DDX10: variants seen among roughly 807,000 people sequenced by gnomAD.
The protein encoded by DDX10 is DEAD-box helicase 10, also known as probable ATP-dependent RNA helicase DDX10.
Under a neutral mutation model 104.3 loss-of-function variants are expected in DDX10, and 74 were observed. The observed-to-expected ratio is 0.71, with a 90% CI of 0.59 to 0.86. The LOEUF (loss-of-function observed/expected upper bound fraction) is 0.86, where lower values mean the gene tolerates loss of function less well. Ranked by LOEUF, DDX10 falls within the 40% of genes least tolerant of loss-of-function variation. DDX10 has a pLI of 0.00. For synonymous variants in DDX10, 351 were observed against 353.4 expected (o/e 0.99, Z 0.08); for missense variants, 952 against 1,040.0 (o/e 0.92, Z 1.16).
chr11:108,911,078 C>G (rs941081179), intron 16 of DDX10, among the ~76,000 whole-genome samples: 2 of 152,070 alleles, frequency 1.3e-5, no homozygotes, highest in South Asian at 4.1e-4. Flanking sequence ...TGACTGCTCC[C>G]CAGAAATAGC....
intron 13 of DDX10, among the ~76,000 whole-genome samples, chr11:108,726,821 G>GT (rs1328374327): frequency 1.3e-5 from 2 of 151,872 alleles, no homozygotes; most frequent in Non-Finnish European, 2.9e-5. Context: ...TTAGCTGTAA[G>GT]TTTTTTTTGT....
chr11:108,706,969 C>G (rs2094277041), intron 10 of DDX10, 132 bp downstream of exon 10: 15 of 698,176 alleles, frequency 2.1e-5, no homozygotes, highest in Non-Finnish European at 3.2e-5. Context: ...TAAAAAGGCT[C>G]TTTTTAGAAC....
intron 13 of DDX10, among the ~76,000 whole-genome samples, chr11:108,824,281 G>A (rs1235305268): frequency 6.6e-6 from 1 of 152,106 alleles, no homozygotes; most frequent in Non-Finnish European, 1.5e-5. Context: ...GACCTCAAGC[G>A]ATCCACCTAC....
At chr11:108,834,927 C>CAAAAAAAAA (rs56174572) in intron 13 of DDX10, among the ~76,000 whole-genome samples, 5 of 62,248 alleles carry the variant, frequency 8.0e-5, no homozygotes, top group Non-Finnish European at 1.1e-4. Flanking sequence ...GACTCCATCT[C>CAAAAAAAAA]AAAAAAAAAA....
At chr11:108,927,853 C>T (rs188917047) in intron 17 of DDX10, among the ~76,000 whole-genome samples, 49 of 152,022 alleles carry the variant, frequency 3.2e-4, no homozygotes, top group Non-Finnish European at 4.7e-4. Flanking sequence ...TTAGCCAGGC[C>T]GGTATTGAAC....
chr11:108,845,947 T>G (rs1862711604), intron 15 of DDX10, among the ~76,000 whole-genome samples: 1 of 152,224 alleles, frequency 6.6e-6, no homozygotes, highest in African/African-American at 2.4e-5. Flanking sequence ...ATTCAACTAC[T>G]CATTTTGTCC....
chr11:108,817,901 A>G (rs1862276366), intron 13 of DDX10, among the ~76,000 whole-genome samples: 1 of 152,230 alleles, frequency 6.6e-6, no homozygotes, highest in Non-Finnish European at 1.5e-5. Flanking sequence ...TGTGAAAACA[A>G]AAAGAACACC....
intron 16 of DDX10, among the ~76,000 whole-genome samples, chr11:108,857,885 T>G (rs1329097391): frequency 1.3e-5 from 2 of 152,208 alleles, no homozygotes; most frequent in Non-Finnish European, 2.9e-5. Context: ...CTCCTGAAAT[T>G]GCTTTCCTTA....
intron 13 of DDX10, among the ~76,000 whole-genome samples, chr11:108,803,720 T>G (rs1336046695): frequency 6.6e-6 from 1 of 152,198 alleles, no homozygotes; most frequent in African/African-American, 2.4e-5. Flanking sequence ...AAAGTGTAAT[T>G]TTATGTCCTT....
At chr11:108,872,887 A>G (rs1295367069) in intron 16 of DDX10, among the ~76,000 whole-genome samples, 1 of 118,930 alleles carries the variant, frequency 8.4e-6, no homozygotes, top group Non-Finnish European at 1.7e-5. Context: ...TCACTTTCCC[A>G]CTCCTCCCAC....
At chr11:108,759,495 G>C (rs775780383) in intron 13 of DDX10, among the ~76,000 whole-genome samples, 4 of 151,950 alleles carry the variant, frequency 2.6e-5, no homozygotes, top group Non-Finnish European at 4.4e-5. Context: ...ATACTCCACT[G>C]AACTCAGATG....
chr11:108,819,787 C>T (rs1025625447), intron 13 of DDX10, among the ~76,000 whole-genome samples: 1 of 151,972 alleles, frequency 6.6e-6, no homozygotes, highest in African/African-American at 2.4e-5. Context: ...TTAGTAGAGA[C>T]GAGGTTTCAC....
chr11:108,747,042 T>C (rs187734838), intron 13 of DDX10, among the ~76,000 whole-genome samples: 1 of 152,248 alleles, frequency 6.6e-6, no homozygotes, highest in Admixed American at 6.5e-5. Context: ...TAGAAATGTG[T>C]ATGTCACATT....
chr11:108,676,798 G>T (rs1424205833), intron 3 of DDX10, among the ~76,000 whole-genome samples: 1 of 152,216 alleles, frequency 6.6e-6, no homozygotes, highest in Non-Finnish European at 1.5e-5. Context: ...TAAGTGTGTT[G>T]TAAAGGTCTT....
intron 13 of DDX10, among the ~76,000 whole-genome samples, chr11:108,742,542 G>A (rs2094326525): frequency 6.6e-6 from 1 of 152,188 alleles, no homozygotes. Flanking sequence ...GCCAGCCTGG[G>A]CAACAGAGTG....
chr11:108,798,444 A>AACAGAAAACC (rs1861975877), intron 13 of DDX10, among the ~76,000 whole-genome samples: 1 of 152,182 alleles, frequency 6.6e-6, no homozygotes, highest in Admixed American at 6.5e-5. Context: ...TAACTCTGTA[A>AACAGAAAACC]TTCCTGGTTT....
intron 16 of DDX10, among the ~76,000 whole-genome samples, chr11:108,915,861 AC>A (rs1431619075): frequency 6.6e-6 from 1 of 151,890 alleles, no homozygotes; most frequent in Non-Finnish European, 1.5e-5. Flanking sequence ...TTCAACCACA[AC>A]AATATTGCAA....
chr11:108,754,147 C>T (rs1361070906), intron 13 of DDX10, among the ~76,000 whole-genome samples: 1 of 151,960 alleles, frequency 6.6e-6, no homozygotes, highest in Non-Finnish European at 1.5e-5. Context: ...AGATTTGATT[C>T]TGCTGTGTTG....
rs536580017 is a variant in DDX10 at position 108,903,331 on chromosome 11, G to C, written c.2305-14542G>C. Among the ~76,000 whole-genome samples the C allele has an allele frequency of 1.7e-4, 26 of 152,148 alleles. No homozygotes were observed. The South Asian group carries it at 4.6e-3, about 27-fold the overall frequency. On this transcript the variant is annotated intron_variant, in intron 16 of 17. Transcript: ENST00000322536. ...TGCAATATGTGGTCCTTTGCGATGGGCTTCTTTCACCTAACATAATGATTT... is the reference window on the plus strand; with the variant it reads ...TGCAATATGTGGTCCTTTGCGATGGCCTTCTTTCACCTAACATAATGATTT...
Sources: gnomAD v4.1 joint callset for allele counts (sites outside exome capture counted in the v4.1 genomes callset) on GRCh38, gnomAD v4.1.1 for gene constraint, MANE v1.5 for transcripts, NCBI Gene and HGNC (gene_info 2026-07-23, HGNC 2026-07-21) for gene names.